COL11A1: variants seen among roughly 807,000 people sequenced by gnomAD.
The protein encoded by COL11A1 is collagen type XI alpha 1 chain.
Under a neutral mutation model 265.2 loss-of-function variants are expected in COL11A1, and 74 were observed. That is an observed-to-expected ratio of 0.28 (90% confidence interval 0.23 to 0.34). The LOEUF is 0.34. Ranked by LOEUF, COL11A1 falls within the 10% of genes least tolerant of loss-of-function variation. COL11A1 has a pLI of 1.00. For missense variants in COL11A1, 2,165 were observed against 2,263.6 expected (o/e 0.96, Z 0.88); for synonymous variants, 816 against 727.6 (o/e 1.12, Z -1.96).
rs765366510 is a variant in COL11A1 at position 102,996,052 on chromosome 1, A to G, written c.2242-10T>C. 6.2e-7 allele frequency: 1 copy of G among 1,612,870 alleles called. No individual in the cohort carries two copies. The highest frequency in any genetic ancestry group is 8.5e-7 in the Non-Finnish European group (1 of 1,179,166). On this transcript the variant is annotated splice_polypyrimidine_tract_variant and intron_variant, in intron 26 of 66. Transcript: ENST00000370096. ...GTGGACCAGGGGGACCCTGAAATAG[A>G]TGAATTACCACTTATACGTGTAATA...
At chr1:103,050,013 C>A (rs1465635943) in intron 4 of COL11A1, among the ~76,000 whole-genome samples, 1 of 152,206 alleles carries the variant, frequency 6.6e-6, no homozygotes, top group Admixed American at 6.5e-5. Flanking sequence ...CCCGACCTTT[C>A]TCTCTGGCTG....
At chr1:103,100,175 G>C (rs969727427) in intron 1 of COL11A1, 1 of 151,804 alleles carries the variant, frequency 6.6e-6, no homozygotes, top group Non-Finnish European at 1.5e-5. Context: ...CTCCAAAAAA[G>C]CTTTTGGATA....
intron 1 of COL11A1, among the ~76,000 whole-genome samples, chr1:103,105,854 C>A (rs572225423): frequency 6.6e-6 from 1 of 152,216 alleles, no homozygotes; most frequent in Non-Finnish European, 1.5e-5. Context: ...AGAATGCCTA[C>A]AAAAGTGGAT....
At chr1:102,905,501 G>A (rs1653866700) in intron 54 of COL11A1, among the ~76,000 whole-genome samples, 2 of 132,754 alleles carry the variant, frequency 1.5e-5, no homozygotes, top group Admixed American at 8.6e-5. Flanking sequence ...AGTTGCTAAA[G>A]CACCCATATA....
At chr1:102,988,757 TAATA>T (rs2101745512) in intron 29 of COL11A1, among the ~76,000 whole-genome samples, 1 of 152,200 alleles carries the variant, frequency 6.6e-6, no homozygotes, top group Admixed American at 6.5e-5. Flanking sequence ...GGAAAAATAA[TAATA>T]AAGATTGTTC....
chr1:102,949,120 C>T (rs1659616900), intron 41 of COL11A1, among the ~76,000 whole-genome samples: 1 of 152,030 alleles, frequency 6.6e-6, no homozygotes, highest in African/African-American at 2.4e-5. Flanking sequence ...GTAACAGAAA[C>T]ACATCAACAG....
At chr1:103,034,755 A>T (rs1571106905) in intron 4 of COL11A1, among the ~76,000 whole-genome samples, 2 of 149,882 alleles carry the variant, frequency 1.3e-5, no homozygotes, top group Non-Finnish European at 3.0e-5. Context: ...CTTAATTTTC[A>T]TTTTTTTTTG....
intron 24 of COL11A1, among the ~76,000 whole-genome samples, chr1:103,000,497 T>G (rs2622873): frequency 6.6e-6 from 1 of 151,754 alleles, no homozygotes; most frequent in Non-Finnish European, 1.5e-5. Context: ...CCAATAAGCA[T>G]GTGAAAAGAT....
intron 4 of COL11A1, among the ~76,000 whole-genome samples, chr1:103,047,087 G>A (rs947013936): frequency 9.9e-5 from 15 of 152,062 alleles, no homozygotes; most frequent in Non-Finnish European, 2.1e-4. Flanking sequence ...TTGGTGATGC[G>A]GGCTCTTTTT....
chr1:103,026,196 A>G lies in COL11A1; in HGVS notation c.897+20T>C. On this transcript the variant is annotated intron_variant, in intron 6 of 66. Transcript: ENST00000370096. Reference sequence around the variant, plus strand: ...ACGAACAGCAGGACACCACATACACAGGCACTGCTTTGTTTTTACCTCCGT... The same window carrying G: ...ACGAACAGCAGGACACCACATACACGGGCACTGCTTTGTTTTTACCTCCGT... 6.6e-7 allele frequency: 1 copy of G among 1,519,586 alleles called. No individual in the cohort carries two copies. Among genetic ancestry groups the G allele is most frequent in the Non-Finnish European group, 9.1e-7 (1 of 1,093,634 alleles). 94.1% of individuals were successfully genotyped at this position (1,519,586 alleles called of 1,614,324 possible).
chr1:102,974,028 T>C (rs1273698686), intron 36 of COL11A1, among the ~76,000 whole-genome samples: 1 of 152,160 alleles, frequency 6.6e-6, no homozygotes, highest in Non-Finnish European at 1.5e-5. Flanking sequence ...CCCCTGCCCC[T>C]CTCCAGAATT....
At chr1:102,955,962 C>A (rs988156992) in intron 41 of COL11A1, among the ~76,000 whole-genome samples, 3 of 152,084 alleles carry the variant, frequency 2.0e-5, no homozygotes, top group Non-Finnish European at 4.4e-5. Flanking sequence ...TTCTTGGATA[C>A]AACATCACGT....
chr1:102,978,455 GAC>G (rs1420823539), intron 35 of COL11A1, among the ~76,000 whole-genome samples: 1 of 152,062 alleles, frequency 6.6e-6, no homozygotes, highest in Non-Finnish European at 1.5e-5. Context: ...TTTTTGTCTT[GAC>G]TATAAGAGTG....
At chr1:102,924,337 A>G (rs1481964444) in intron 46 of COL11A1, among the ~76,000 whole-genome samples, 1 of 152,162 alleles carries the variant, frequency 6.6e-6, no homozygotes, top group African/African-American at 2.4e-5. Flanking sequence ...TTGCACTCAA[A>G]TTTCATCTGT....
intron 4 of COL11A1, among the ~76,000 whole-genome samples, chr1:103,033,226 AT>A: frequency 6.6e-6 from 1 of 152,046 alleles, no homozygotes; most frequent in East Asian, 1.9e-4. Flanking sequence ...CAGTTTATCT[AT>A]CAGTTTCTGG....
chr1:102,985,210 A>G (rs1228894749), intron 30 of COL11A1, among the ~76,000 whole-genome samples: 1 of 152,130 alleles, frequency 6.6e-6, no homozygotes, highest in Non-Finnish European at 1.5e-5. Context: ...GAACAACTAA[A>G]AATGGAAAAC....
intron 54 of COL11A1, among the ~76,000 whole-genome samples, chr1:102,904,698 T>C (rs1002397308): frequency 6.1e-4 from 92 of 152,008 alleles, no homozygotes; most frequent in Non-Finnish European, 1.1e-3. Flanking sequence ...CCAGTTAGAA[T>C]GGTGATCATT....
intron 31 of COL11A1, among the ~76,000 whole-genome samples, chr1:102,980,977 T>G (rs1662979596): frequency 6.6e-6 from 1 of 152,156 alleles, no homozygotes; most frequent in Admixed American, 6.6e-5. Flanking sequence ...CTATTCCCAA[T>G]TTGAAAGCAG....
chr1:102,946,824 A>G (rs772612990), intron 42 of COL11A1, 25 bp downstream of exon 42: 21 of 1,554,664 alleles, frequency 1.4e-5, no homozygotes, highest in Non-Finnish European at 1.9e-5. Flanking sequence ...GCAGCATAAT[A>G]TATTTTCTCC....
Sources: allele counts gnomAD v4.1 joint callset (sites outside exome capture counted in the v4.1 genomes callset), GRCh38; gene constraint gnomAD v4.1.1; transcripts MANE v1.5; gene names NCBI Gene and HGNC (gene_info 2026-07-23, HGNC 2026-07-21).